Variants in PRKG1 observed in about 807,000 individuals in gnomAD.
The protein encoded by PRKG1 is protein kinase cGMP-dependent 1, also known as cGMP-dependent protein kinase 1.
PRKG1 carries 35 observed loss-of-function variants against 88.1 expected under a neutral mutation model. The observed-to-expected ratio is 0.40, with a 90% CI of 0.30 to 0.53. The LOEUF (loss-of-function observed/expected upper bound fraction) is 0.53. PRKG1 is among the 20% of genes least tolerant of loss of function. The pLI is 0.59. For missense variants in PRKG1, 540 were observed against 839.8 expected, an observed-to-expected ratio of 0.64 and a Z score of 4.41; for synonymous variants, 303 against 292.5, an observed-to-expected ratio of 1.04 and a Z score of -0.37.
At chr10:51,967,430 G>T (rs924172470) in intron 5 of PRKG1, among the ~76,000 whole-genome samples, 5 of 152,008 alleles carry the variant, frequency 3.3e-5, no homozygotes, top group Non-Finnish European at 7.4e-5. Context: ...GGATGGGGGA[G>T]GGATAGCATT....
rs1433014584 is a variant in PRKG1, at chr10:52,296,788, G to A, written c.*2888G>A. 2 of 151,980 alleles carry A rather than the reference G, an allele frequency of 1.3e-5. No individual in the cohort carries two copies. Among genetic ancestry groups the A allele is most frequent in the South Asian group, 2.1e-4 (1 of 4,822 alleles). 9.4% of individuals were successfully genotyped at this position (151,980 alleles called of 1,614,324 possible). A position where few individuals can be genotyped will look rare whatever the true frequency, so the allele number is the denominator to read the frequency against. Reference sequence around the variant, plus strand: ...TTGAAAAAATAATTTCTGGAAAAACGCTATACATGCTTTTTATGTTTATAT... The same window carrying A: ...TTGAAAAAATAATTTCTGGAAAAACACTATACATGCTTTTTATGTTTATAT... On this transcript the variant is annotated 3_prime_UTR_variant, in exon 18 of 18. Transcript: ENST00000373980.
chr10:51,819,398 T>C (rs1839684793), intron 4 of PRKG1, among the ~76,000 whole-genome samples: 1 of 152,092 alleles, frequency 6.6e-6, no homozygotes, highest in African/African-American at 2.4e-5. Context: ...CCTCCAACAC[T>C]GGGGATCAAA....
intron 3 of PRKG1, among the ~76,000 whole-genome samples, chr10:51,597,593 T>A (rs1838486530): frequency 6.6e-6 from 1 of 152,186 alleles, no homozygotes; most frequent in Admixed American, 6.5e-5. Context: ...TTTGTCAGTT[T>A]TTCCAGTGAA....
At chr10:51,698,877 G>A (rs773738151) in intron 3 of PRKG1, 2 of 1,614,034 alleles carry the variant, frequency 1.2e-6, no homozygotes, top group Non-Finnish European at 1.7e-6. Context: ...AGAACATTAG[G>A]TCCTGGGCAG....
intron 3 of PRKG1, among the ~76,000 whole-genome samples, chr10:51,773,992 G>C (rs1398623275): frequency 2.0e-5 from 3 of 152,046 alleles, no homozygotes; most frequent in Non-Finnish European, 4.4e-5. Flanking sequence ...TCAAGTAGAA[G>C]GGGAGCCAAT....
intron 5 of PRKG1, among the ~76,000 whole-genome samples, chr10:51,928,155 G>A (rs1337302604): frequency 6.6e-6 from 1 of 152,120 alleles, no homozygotes; most frequent in Non-Finnish European, 1.5e-5. Context: ...AAAAGCTCAA[G>A]GGCCAGAAAG....
rs554861936 is a variant in PRKG1, at chr10:51,975,472, C to T, written c.762+67902C>T. Among the ~76,000 whole-genome samples, 20 of 152,154 alleles carry T rather than the reference C, an allele frequency of 1.3e-4. No homozygotes were observed. The South Asian group carries it at 3.7e-3, about 28-fold the overall frequency. On this transcript the variant is annotated intron_variant, in intron 5 of 17. Coordinates refer to ENST00000373980, the MANE Select transcript of PRKG1 (RefSeq NM_006258.4). ...AAAAAAAAAATGAGTTGCATTGTATCATGCTGGTTGTAAACATTCCACACA... is the reference window on the plus strand; with the variant it reads ...AAAAAAAAAATGAGTTGCATTGTATTATGCTGGTTGTAAACATTCCACACA...
chr10:51,805,715 G>T (rs1175208044), intron 4 of PRKG1, among the ~76,000 whole-genome samples: 1 of 151,914 alleles, frequency 6.6e-6, no homozygotes, highest in Non-Finnish European at 1.5e-5. Context: ...TGCAATTTTT[G>T]ATATTCCTTA....
intron 1 of PRKG1, among the ~76,000 whole-genome samples, chr10:51,111,965 C>T (rs950860193): frequency 6.6e-6 from 1 of 152,128 alleles, no homozygotes; most frequent in Non-Finnish European, 1.5e-5. Context: ...CTACTATGCA[C>T]CACCTACAGA....
chr10:51,101,724 G>A (rs538250140), intron 1 of PRKG1, among the ~76,000 whole-genome samples: 2 of 152,260 alleles, frequency 1.3e-5, no homozygotes, highest in Non-Finnish European at 2.9e-5. Flanking sequence ...CATGTTGGAA[G>A]CTGAAAAGGA....
intron 5 of PRKG1, chr10:51,911,281 C>G (rs536604635): frequency 1.4e-5 from 2 of 147,546 alleles, no homozygotes; most frequent in South Asian, 2.1e-4. Context: ...GTTTTTAAAT[C>G]AAACTAAAGC....
intron 5 of PRKG1, among the ~76,000 whole-genome samples, chr10:52,033,845 C>A (rs528353099): frequency 1.3e-5 from 2 of 151,974 alleles, no homozygotes; most frequent in African/African-American, 4.8e-5. Context: ...CGGACTGAGT[C>A]CGAAAAGAGA....
intron 5 of PRKG1, among the ~76,000 whole-genome samples, chr10:52,011,264 T>C (rs1844871954): frequency 1.3e-5 from 2 of 152,198 alleles, no homozygotes; most frequent in Non-Finnish European, 2.9e-5. Flanking sequence ...TTATGCTACA[T>C]AGTTCTAGGC....
chr10:51,173,520 G>T (rs1837108356), intron 2 of PRKG1, among the ~76,000 whole-genome samples: 1 of 151,720 alleles, frequency 6.6e-6, no homozygotes, highest in Non-Finnish European at 1.5e-5. Flanking sequence ...CATCAATGTG[G>T]AAGTATATGT....
In PRKG1 at chr10:51,758,350, A is replaced by G. The variant is rs184590185; in HGVS notation, c.593-46235A>G. On this transcript the variant is annotated intron_variant, in intron 3 of 17. Transcript: ENST00000373980. ...AAGAATAGACAAATATGTTTTATAT[A>G]TACAAACACTTATTGTTCTTATTAT... Among the ~76,000 whole-genome samples, 453 of 152,360 alleles carry G rather than the reference A, an allele frequency of 3.0e-3. 5 individuals are homozygous for G. Among genetic ancestry groups the G allele is most frequent in the African/African-American group, 0.01 (430 of 41,592 alleles).
At chr10:51,744,255 C>T (rs989605233) in intron 3 of PRKG1, among the ~76,000 whole-genome samples, 2 of 152,074 alleles carry the variant, frequency 1.3e-5, no homozygotes, top group Non-Finnish European at 1.5e-5. Flanking sequence ...GATAAGGAGA[C>T]CAGAGCACTG....
intron 3 of PRKG1, among the ~76,000 whole-genome samples, chr10:51,570,373 A>G (rs1837721381): frequency 6.6e-6 from 1 of 151,858 alleles, no homozygotes; most frequent in African/African-American, 2.4e-5. Context: ...TAGAGAAAAA[A>G]ATTGTTATTA....
rs566982664 is a variant in PRKG1, at chr10:51,821,936, G to A, written c.698+17246G>A. 1.1e-4 allele frequency among the ~76,000 whole-genome samples: 16 copies of A among 152,118 alleles called. No homozygotes were observed. The South Asian group carries it at 2.5e-3, about 24-fold the overall frequency. Reference sequence around the variant, plus strand: ...AAAAATAGAACTACCATATGTTCAAGTAATCCCATTTCTGAATACATAGCC... The same window carrying A: ...AAAAATAGAACTACCATATGTTCAAATAATCCCATTTCTGAATACATAGCC... On this transcript the variant is annotated intron_variant, in intron 4 of 17. Transcript: ENST00000373980.
In PRKG1 at chr10:52,258,671, G is replaced by T. The variant is rs554807807; in HGVS notation, c.1173+7005G>T. ...GTTTTAAAACATCCAAAATATTTGT[G>T]GGATATAAAAATATCTGACATGATT... On this transcript the variant is annotated intron_variant, in intron 10 of 17. Coordinates refer to ENST00000373980, the MANE Select transcript of PRKG1 (RefSeq NM_006258.4). Among the ~76,000 whole-genome samples, 8 of 152,052 alleles carry T rather than the reference G, an allele frequency of 5.3e-5. No homozygotes were observed. In the South Asian group the frequency reaches 1.5e-3, roughly 28 times the overall value.
Sources: allele counts gnomAD v4.1 joint callset (sites outside exome capture counted in the v4.1 genomes callset), GRCh38; gene constraint gnomAD v4.1.1; transcripts MANE v1.5; gene names NCBI Gene and HGNC (gene_info 2026-07-23, HGNC 2026-07-21).